NPAS3: variants seen among roughly 807,000 people sequenced by gnomAD.
NPAS3 encodes the protein neuronal PAS domain protein 3.
Under a neutral mutation model 73.1 loss-of-function variants are expected in NPAS3, and 14 were observed. That is an observed-to-expected ratio of 0.19 (90% CI 0.13 to 0.30). NPAS3 has a LOEUF of 0.30. Ranked by LOEUF, NPAS3 falls within the 10% of genes least tolerant of loss-of-function variation. The pLI is 1.00. For missense variants in NPAS3, 1,096 were observed against 1,250.0 expected (o/e 0.88, Z 1.86); for synonymous variants, 620 against 541.5 (o/e 1.14, Z -2.01).
At chr14:32,940,462 G>A (rs1266105523) in intron 1 of NPAS3, among the ~76,000 whole-genome samples, 1 of 152,184 alleles carries the variant, frequency 6.6e-6, no homozygotes, top group Non-Finnish European at 1.5e-5. Context: ...GACATTAATT[G>A]CATATAGCAT....
At chr14:33,455,689 A>T (rs1956939290) in intron 4 of NPAS3, among the ~76,000 whole-genome samples, 1 of 152,200 alleles carries the variant, frequency 6.6e-6, no homozygotes, top group African/African-American at 2.4e-5. Flanking sequence ...AGGATCTACA[A>T]GTAGGTGTTT....
At chr14:33,071,179 C>T (rs1364131639) in intron 2 of NPAS3, among the ~76,000 whole-genome samples, 1 of 152,082 alleles carries the variant, frequency 6.6e-6, no homozygotes, top group South Asian at 2.1e-4. Flanking sequence ...TCATTAGGAA[C>T]AATACTATTA....
chr14:33,165,286 T>C (rs1199621930), intron 2 of NPAS3, among the ~76,000 whole-genome samples: 2 of 151,668 alleles, frequency 1.3e-5, no homozygotes, highest in Non-Finnish European at 2.9e-5. Context: ...TTAAAGTCTC[T>C]CTGGTTGGAC....
At chr14:33,396,833 A>G (rs1209043446) in intron 4 of NPAS3, among the ~76,000 whole-genome samples, 1 of 150,154 alleles carries the variant, frequency 6.7e-6, no homozygotes, top group Non-Finnish European at 1.5e-5. Flanking sequence ...TACATATATT[A>G]TATCTGTCCA....
rs562554382 is a variant in NPAS3 at position 33,372,318 on chromosome 14, G to A, written c.468+5050G>A. 1.5e-4 allele frequency among the ~76,000 whole-genome samples: 23 copies of A among 152,258 alleles called. 1 individual carries two copies. The highest frequency in any genetic ancestry group is 5.5e-4 in the African/African-American group (23 of 41,556). The stretch of plus-strand genomic sequence containing the variant: ...TTAATTTTTGGTGTGCCCGTTCTCT[G>A]AATGTATATGTAATGTGTCTCTGCT... On this transcript the variant is annotated intron_variant, in intron 4 of 11. Coordinates refer to ENST00000356141, the Ensembl canonical transcript of NPAS3.
chr14:33,611,425 A>G (rs1053403691), intron 5 of NPAS3, among the ~76,000 whole-genome samples: 1 of 152,156 alleles, frequency 6.6e-6, no homozygotes, highest in Non-Finnish European at 1.5e-5. Flanking sequence ...TGGATGTTTC[A>G]TGAGAAGAGA....
At chr14:33,076,089 A>G (rs934982599) in intron 2 of NPAS3, among the ~76,000 whole-genome samples, 8 of 152,204 alleles carry the variant, frequency 5.3e-5, no homozygotes, top group African/African-American at 1.7e-4. Flanking sequence ...TTGTATTTCT[A>G]TCTTGACCTT....
intron 4 of NPAS3, among the ~76,000 whole-genome samples, chr14:33,468,288 A>G (rs947857510): frequency 6.6e-6 from 1 of 152,220 alleles, no homozygotes; most frequent in Admixed American, 6.5e-5. Context: ...AGAAAAGCTG[A>G]ATTAATAAAT....
At chr14:33,172,628 T>TG (rs1406252157) in intron 2 of NPAS3, among the ~76,000 whole-genome samples, 5 of 151,856 alleles carry the variant, frequency 3.3e-5, no homozygotes, top group Admixed American at 2.6e-4. Context: ...CCCAGCTACT[T>TG]GGGGGGCTGA....
intron 1 of NPAS3, among the ~76,000 whole-genome samples, chr14:33,047,276 G>A (rs2040541994): frequency 6.6e-6 from 1 of 152,070 alleles, no homozygotes; most frequent in Non-Finnish European, 1.5e-5. Context: ...GCATATGCAA[G>A]GTTAATCAGC....
chr14:33,250,175 A>C (rs186120364), intron 3 of NPAS3, among the ~76,000 whole-genome samples: 106 of 152,230 alleles, frequency 7.0e-4, no homozygotes, highest in African/African-American at 2.0e-3. Context: ...GCCTTATGAT[A>C]GATTTGTGTT....
At chr14:33,786,943 A>G (rs2063192827) in intron 9 of NPAS3, among the ~76,000 whole-genome samples, 1 of 152,128 alleles carries the variant, frequency 6.6e-6, no homozygotes, top group Non-Finnish European at 1.5e-5. Context: ...CACTCAAAAA[A>G]AATGGATTGA....
At chr14:33,347,082 ATCAAAATT>A (rs1425038427) in intron 3 of NPAS3, among the ~76,000 whole-genome samples, 4 of 152,204 alleles carry the variant, frequency 2.6e-5, no homozygotes, top group Non-Finnish European at 5.9e-5. Context: ...CCTCCACATT[ATCAAAATT>A]TCAATTCTCT....
At chr14:33,640,237 T>C (rs1181466151) in intron 5 of NPAS3, among the ~76,000 whole-genome samples, 1 of 152,098 alleles carries the variant, frequency 6.6e-6, no homozygotes, top group Non-Finnish European at 1.5e-5. Context: ...AACGTGACTC[T>C]TGTTTGATGC....
At chr14:33,122,177 T>G (rs2043254106) in intron 2 of NPAS3, among the ~76,000 whole-genome samples, 1 of 152,190 alleles carries the variant, frequency 6.6e-6, no homozygotes, top group African/African-American at 2.4e-5. Flanking sequence ...CCTTTCTGAT[T>G]CTGGAGCAGA....
intron 4 of NPAS3, among the ~76,000 whole-genome samples, chr14:33,557,910 A>G (rs529908917): frequency 3.9e-5 from 6 of 152,366 alleles, no homozygotes; most frequent in African/African-American, 1.4e-4. Context: ...CGGAGCTTGC[A>G]GTGAGCTGCG....
chr14:33,165,899 G>T (rs2045121185), intron 2 of NPAS3, among the ~76,000 whole-genome samples: 1 of 152,166 alleles, frequency 6.6e-6, no homozygotes. Flanking sequence ...CATTCTGTGA[G>T]TACTTTGTGT....
At chr14:33,754,826 A>C (rs7146642) in intron 7 of NPAS3, among the ~76,000 whole-genome samples, 57,501 of 152,124 alleles carry the variant, frequency 0.38, 15,505 homozygotes, top group African/African-American at 0.76. Flanking sequence ...GTACACCTGA[A>C]AGAATAAACC....
intron 2 of NPAS3, among the ~76,000 whole-genome samples, chr14:33,086,104 G>C (rs560824189): frequency 6.6e-6 from 1 of 152,138 alleles, no homozygotes; most frequent in Non-Finnish European, 1.5e-5. Flanking sequence ...CACAGGATTG[G>C]ACATGTCATT....
Sources: gnomAD v4.1 joint callset for allele counts (sites outside exome capture counted in the v4.1 genomes callset) on GRCh38, gnomAD v4.1.1 for gene constraint, MANE v1.5 for transcripts, NCBI Gene and HGNC (gene_info 2026-07-23, HGNC 2026-07-21) for gene names.